ATP11C: variants seen among roughly 807,000 people sequenced by gnomAD.
The protein encoded by ATP11C is phospholipid-transporting ATPase IG.
A neutral mutation model predicts 97.4 loss-of-function variants in ATP11C; 36 were observed. The ratio of observed to expected loss-of-function variants is 0.37; its 90% confidence interval spans 0.28 to 0.49. The LOEUF is 0.49. ATP11C is among the 20% of genes least tolerant of loss of function. ATP11C has a pLI of 0.98. For synonymous variants in ATP11C, 275 were observed against 290.9 expected (o/e 0.95, Z 0.56); for missense variants, 730 against 824.6 (o/e 0.89, Z 1.40).
intron 7 of ATP11C, among the ~76,000 whole-genome samples, chrX:139,801,308 G>C: frequency 8.9e-6 from 1 of 112,146 alleles, no homozygotes; most frequent in Non-Finnish European, 1.9e-5. Context: ...CTCACAGTGA[G>C]TCCCTTGAAG....
Position 139,908,451 on chromosome X carries a change from G to C in ATP11C, c.27+23565C>G, listed in dbSNP as rs143178517. 6.5e-3 allele frequency among the ~76,000 whole-genome samples: 728 copies of C among 112,204 alleles called. 7 individuals carry two copies. Among genetic ancestry groups the C allele is most frequent in the African/African-American group, 0.022 (688 of 30,912 alleles). On this transcript the variant is annotated intron_variant, in intron 1 of 29. Transcript: ENST00000682941. Reference sequence around the variant, plus strand: ...GTGTTGGGTTTTCCATTCTAAACTGGATTATAAGGTCCATCAGGACATGAA... The same window carrying C: ...GTGTTGGGTTTTCCATTCTAAACTGCATTATAAGGTCCATCAGGACATGAA...
Position 139,738,023 on chromosome X carries a change from G to T in ATP11C, c.3181C>A (p.Leu1061Met). Residue 1061 changes from leucine (L) to methionine (M), a missense_variant, in exon 28 of 30, where the codon CTG becomes ATG. Coordinates refer to ENST00000682941, the MANE Select transcript of ATP11C (RefSeq NM_001353812.2). ...GCCAACCATGTGGATACAGAAGACA[G>T]CATTTGGGCAAATACAAAATACATT... Reference protein sequence around the residue: ...QRMYFVFAQMLSSVSTWLAII... With the variant: ...QRMYFVFAQMMSSVSTWLAII... The T allele has an allele frequency of 8.3e-7, 1 of 1,204,174 alleles. No individual in the cohort carries two copies. The highest frequency in any genetic ancestry group is 1.7e-5 in the African/African-American group (1 of 57,520).
At chrX:139,792,965 G>C in intron 12 of ATP11C, among the ~76,000 whole-genome samples, 1 of 111,862 alleles carries the variant, frequency 8.9e-6, no homozygotes, top group Non-Finnish European at 1.9e-5. Context: ...AAAGCTGGTC[G>C]ATCAGAAGTT....
At chrX:139,898,216 C>A (rs141358350) in intron 1 of ATP11C, among the ~76,000 whole-genome samples, 43 of 111,021 alleles carry the variant, frequency 3.9e-4, no homozygotes, top group African/African-American at 1.4e-3. Context: ...TCAAAGCTCT[C>A]GGTTAGTTCT....
At chrX:139,802,726 A>C (rs2082951491) in intron 6 of ATP11C, among the ~76,000 whole-genome samples, 1 of 111,858 alleles carries the variant, frequency 8.9e-6, no homozygotes, top group South Asian at 3.7e-4. Context: ...ATGGCAATGG[A>C]GATATACACA....
chrX:139,925,024 G>A (rs1325133237), intron 1 of ATP11C, among the ~76,000 whole-genome samples: 1 of 111,523 alleles, frequency 9.0e-6, no homozygotes, highest in Non-Finnish European at 1.9e-5. Context: ...TCTACCAAAC[G>A]TTTTTTTCAA....
intron 23 of ATP11C, among the ~76,000 whole-genome samples, chrX:139,757,499 T>C (rs2081960625): frequency 1.8e-5 from 2 of 111,824 alleles, no homozygotes; most frequent in Non-Finnish European, 3.8e-5. Context: ...GGAGATTCCA[T>C]TTGATGAAAT....
At chrX:139,900,019 A>C (rs919430335) in intron 1 of ATP11C, among the ~76,000 whole-genome samples, 4 of 110,858 alleles carry the variant, frequency 3.6e-5, no homozygotes, top group Non-Finnish European at 5.6e-5. Context: ...AGCAATAACA[A>C]CTTGATTGTG....
rs765416460 is a variant in ATP11C, at chrX:139,905,960, T to C, written c.27+26056A>G. Among the ~76,000 whole-genome samples, 13 of 111,288 alleles carry C rather than the reference T, an allele frequency of 1.2e-4. No individual in the cohort carries two copies. The East Asian group carries it at 3.7e-3, about 31-fold the overall frequency. ...CTCTACAGCAAACTCAGACCATAAA[T>C]AATTTCTACCCTTAGCAAAAATCTA... On this transcript the variant is annotated intron_variant, in intron 1 of 29. Transcript: ENST00000682941.
At chrX:139,896,006 T>C (rs956879544) in intron 1 of ATP11C, among the ~76,000 whole-genome samples, 2 of 111,633 alleles carry the variant, frequency 1.8e-5, no homozygotes, top group African/African-American at 3.3e-5. Flanking sequence ...TAGTGTTGGA[T>C]AGATCAGTAG....
intron 1 of ATP11C, among the ~76,000 whole-genome samples, chrX:139,919,862 T>C (rs1240898941): frequency 1.8e-5 from 2 of 111,286 alleles, no homozygotes; most frequent in Non-Finnish European, 3.8e-5. Context: ...GAGGCTGCAA[T>C]GTGCCATGAT....
At chrX:139,857,565 C>T (rs1217971763) in intron 1 of ATP11C, among the ~76,000 whole-genome samples, 1 of 110,971 alleles carries the variant, frequency 9.0e-6, no homozygotes, top group Admixed American at 9.6e-5. Context: ...AAGCACTCAT[C>T]CTGTCATTCT....
chrX:139,860,895 T>C (rs777926590), intron 1 of ATP11C, among the ~76,000 whole-genome samples: 1 of 112,325 alleles, frequency 8.9e-6, no homozygotes, highest in Admixed American at 9.4e-5. Context: ...CTGGTGTGAA[T>C]GAGCAGCTCT....
At chrX:139,931,155 G>A (rs2085426149) in intron 1 of ATP11C, among the ~76,000 whole-genome samples, 1 of 112,239 alleles carries the variant, frequency 8.9e-6, no homozygotes, top group Admixed American at 9.4e-5. Context: ...CATTCTTAAT[G>A]TACCCTCTAG....
intron 3 of ATP11C, among the ~76,000 whole-genome samples, chrX:139,817,171 T>C (rs770172791): frequency 1.8e-5 from 2 of 112,328 alleles, no homozygotes; most frequent in African/African-American, 3.2e-5. Context: ...AACCCCTTTA[T>C]TGAAATATAT....
At chrX:139,741,202 C>T (rs2148626565) in intron 26 of ATP11C, 108 bp from the exon 27 acceptor site, 1 of 502,677 alleles carries the variant, frequency 2.0e-6, no homozygotes, top group East Asian at 3.6e-5. Flanking sequence ...AAGGATCTAG[C>T]TTGGGCCAGG....
intron 6 of ATP11C, 145 bp from the exon 7 acceptor site, chrX:139,802,484 A>G (rs1474667719): frequency 5.5e-6 from 2 of 364,536 alleles, no homozygotes; most frequent in African/African-American, 5.2e-5. Context: ...TCCCACTAAT[A>G]AGTTTTATGG....
At chrX:139,861,303 T>A (rs1031703499) in intron 1 of ATP11C, among the ~76,000 whole-genome samples, 29 of 111,890 alleles carry the variant, frequency 2.6e-4, no homozygotes, top group Non-Finnish European at 4.5e-4. Flanking sequence ...ATTTTATTCA[T>A]TTCATAAACA....
intron 1 of ATP11C, among the ~76,000 whole-genome samples, chrX:139,844,015 A>G (rs2083873284): frequency 2.7e-5 from 3 of 111,871 alleles, no homozygotes; most frequent in Middle Eastern, 4.6e-3. Context: ...GGGAGCACAA[A>G]TGAAAGAAAT....
Sources: gnomAD v4.1 joint callset for allele counts (sites outside exome capture counted in the v4.1 genomes callset) on GRCh38, gnomAD v4.1.1 for gene constraint, MANE v1.5 for transcripts, NCBI Gene and HGNC (gene_info 2026-07-23, HGNC 2026-07-21) for gene names.